Variants in EFCAB6 observed in about 807,000 individuals in gnomAD.
The protein encoded by EFCAB6 is EF-hand calcium binding domain 6, also known as EF-hand calcium-binding domain-containing protein 6.
Under a neutral mutation model 169.8 loss-of-function variants are expected in EFCAB6, and 156 were observed. The ratio of observed to expected loss-of-function variants is 0.92; its 90% CI spans 0.81 to 1.05. The LOEUF is 1.05. EFCAB6 is among the 50% of genes least tolerant of loss of function. The pLI, the probability that EFCAB6 is intolerant of heterozygous loss-of-function variation, is 0.00. For synonymous variants in EFCAB6, 698 were observed against 676.4 expected (o/e 1.03, Z -0.50); for missense variants, 1,800 against 1,829.1 (o/e 0.98, Z 0.29).
At chr22:43,593,865 C>T (rs898366265) in intron 23 of EFCAB6, among the ~76,000 whole-genome samples, 3 of 152,098 alleles carry the variant, frequency 2.0e-5, no homozygotes, top group African/African-American at 7.2e-5. Context: ...AAGAGCCACA[C>T]GTATAAGGAG....
At chr22:43,552,775 T>A (rs2048456820) in intron 27 of EFCAB6, 2 of 152,204 alleles carry the variant, frequency 1.3e-5, no homozygotes. Context: ...TATCTATAAT[T>A]AGAGTAAAAT....
intron 17 of EFCAB6, among the ~76,000 whole-genome samples, chr22:43,641,286 G>T (rs2055781002): frequency 6.6e-6 from 1 of 152,170 alleles, no homozygotes; most frequent in Non-Finnish European, 1.5e-5. Flanking sequence ...GCACCAAGTG[G>T]TCATTCAGCT....
At chr22:43,809,484 G>T (rs1488537243) in intron 1 of EFCAB6, among the ~76,000 whole-genome samples, 1 of 152,238 alleles carries the variant, frequency 6.6e-6, no homozygotes, top group Non-Finnish European at 1.5e-5. Flanking sequence ...TACTCATCAA[G>T]AACACAGGTT....
intron 27 of EFCAB6, chr22:43,554,590 C>T (rs2048584430): frequency 2.2e-6 from 1 of 447,456 alleles, no homozygotes; most frequent in Non-Finnish European, 4.0e-6. Flanking sequence ...CCGGGATGCT[C>T]CAGGGAAGGG....
intron 9 of EFCAB6, 21 bp downstream of exon 9, chr22:43,716,827 T>A: frequency 6.3e-7 from 1 of 1,593,762 alleles, no homozygotes; most frequent in Non-Finnish European, 8.5e-7. Context: ...TAGGTAATTG[T>A]GGCTTAGGAA....
chr22:43,784,537 GTGTGTGTATA>G (rs2061951204), intron 2 of EFCAB6, among the ~76,000 whole-genome samples: 1 of 96,212 alleles, frequency 1.0e-5, no homozygotes, highest in East Asian at 4.2e-4. Flanking sequence ...GTGTGTGTGT[GTGTGTGTATA>G]TGTATATATA....
intron 10 of EFCAB6, among the ~76,000 whole-genome samples, chr22:43,709,266 G>C (rs992945564): frequency 3.9e-5 from 6 of 152,066 alleles, no homozygotes; most frequent in Admixed American, 3.3e-4. Context: ...ACTTTTAGTA[G>C]AGACAGGGTT....
chr22:43,711,536 T>C lies in EFCAB6; in HGVS notation c.970A>G (p.Ile324Val). 6.2e-7 allele frequency: 1 copy of C among 1,605,354 alleles called. No individual in the cohort carries two copies. Among genetic ancestry groups the C allele is most frequent in the East Asian group, 2.2e-5 (1 of 44,670 alleles). The change falls in exon 10 of 32, where the codon ATT becomes GTT. Residue 324 changes from isoleucine (I) to valine (V), a missense_variant. Transcript: ENST00000262726. ...GGYVSFNYLK[I>V]VLDTFVYQIP... Reference sequence around the variant, plus strand: ...TGGTATACAAAAGTGTCGAGGACAATCTTTAGATAATTAAAAGACACGTAG... The same window carrying C: ...TGGTATACAAAAGTGTCGAGGACAACCTTTAGATAATTAAAAGACACGTAG...
At chr22:43,782,092 A>C (rs1894631) in intron 3 of EFCAB6, 88 bp downstream of exon 3, 2 of 1,315,582 alleles carry the variant, frequency 1.5e-6, no homozygotes, top group East Asian at 4.7e-5. Flanking sequence ...TAAATGTCAT[A>C]TGAGTCCTTT....
intron 17 of EFCAB6, among the ~76,000 whole-genome samples, chr22:43,649,392 C>T (rs1362188187): frequency 6.6e-6 from 1 of 152,042 alleles, no homozygotes. Flanking sequence ...AGCTATAATG[C>T]CTATTGCTTA....
chr22:43,695,887 C>A (rs1329615578), intron 10 of EFCAB6, among the ~76,000 whole-genome samples: 5 of 152,034 alleles, frequency 3.3e-5, no homozygotes, highest in African/African-American at 1.2e-4. Flanking sequence ...AGGATTAAAT[C>A]TTTGTGATAC....
chr22:43,532,101 C>CAA (rs1041895073), intron 30 of EFCAB6: 1 of 152,124 alleles, frequency 6.6e-6, no homozygotes, highest in African/African-American at 2.4e-5. Context: ...GAAAAGCCTT[C>CAA]AATCTCAATC....
intron 20 of EFCAB6, among the ~76,000 whole-genome samples, chr22:43,619,175 T>C (rs2053955679): frequency 6.6e-6 from 1 of 152,154 alleles, no homozygotes; most frequent in South Asian, 2.1e-4. Context: ...TTTGAGAACA[T>C]GATTACTGTG....
At chr22:43,645,457 A>G (rs181578266) in intron 17 of EFCAB6, among the ~76,000 whole-genome samples, 4 of 152,346 alleles carry the variant, frequency 2.6e-5, no homozygotes, top group Admixed American at 2.6e-4. Context: ...TTGGACCACT[A>G]CTGTGTGTTG....
rs544625613 is a variant in EFCAB6 at position 43,763,557 on chromosome 22, G to A, written c.440+1748C>T. Reference sequence around the variant, plus strand: ...CCTAAACTGCATCAGTGATGCATCCGTCATAAAAGCCATGATACCAGAATT... The same window carrying A: ...CCTAAACTGCATCAGTGATGCATCCATCATAAAAGCCATGATACCAGAATT... On this transcript the variant is annotated intron_variant, in intron 5 of 31. Coordinates refer to ENST00000262726, the MANE Select transcript of EFCAB6 (RefSeq NM_022785.4). Among the ~76,000 whole-genome samples the A allele has an allele frequency of 5.7e-4, 86 of 152,042 alleles. 1 individual carries two copies. In the South Asian group the frequency reaches 0.016, roughly 28 times the overall value.
At chr22:43,616,386 G>A (rs2053687096) in intron 20 of EFCAB6, among the ~76,000 whole-genome samples, 2 of 152,212 alleles carry the variant, frequency 1.3e-5, no homozygotes, top group Admixed American at 1.3e-4. Flanking sequence ...GATAGGGCCG[G>A]GTGCAGTGGC....
Position 43,636,698 on chromosome 22 carries a change from C to T in EFCAB6, c.1984-1482G>A, listed in dbSNP as rs564073732. Among the ~76,000 whole-genome samples, 9 of 150,802 alleles carry T rather than the reference C, an allele frequency of 6.0e-5. No individual in the cohort carries two copies. In the South Asian group the frequency reaches 6.3e-4, roughly 11 times the overall value. ...CTACCTAGGTGCACTGTAACCTCTG[C>T]CTCCCGGGCTCAAGTGATTCTCCTG... On this transcript the variant is annotated intron_variant, in intron 17 of 31. Transcript: ENST00000262726.
intron 7 of EFCAB6, among the ~76,000 whole-genome samples, chr22:43,732,743 A>G (rs1021482054): frequency 3.9e-5 from 6 of 152,178 alleles, no homozygotes; most frequent in African/African-American, 1.4e-4. Context: ...CTGGAATTAC[A>G]GGCATGAGCC....
Position 43,530,867 on chromosome 22 carries a change from T to C in EFCAB6, c.4331A>G (p.Lys1444Arg), listed in dbSNP as rs149993265. Residue 1444 changes from lysine (K) to arginine (R), a missense_variant, in exon 31 of 32, where the codon AAA becomes AGA. Lys to Arg is a conservative substitution (Grantham distance 26). Coordinates refer to ENST00000262726, the MANE Select transcript of EFCAB6 (RefSeq NM_022785.4). The stretch of plus-strand genomic sequence containing the variant: ...CCCTGTTCCAGCCTCATCATAGCTT[T>C]TGAACGTGCGCCGCATTGGCCTCCA... ...HCWRPMRRTF[K>R]SYDEAGTGLL... The C allele has an allele frequency of 6.2e-7, 1 of 1,614,076 alleles. No homozygotes were observed. The highest frequency in any genetic ancestry group is 1.3e-5 in the African/African-American group (1 of 74,938).
Sources: allele counts gnomAD v4.1 joint callset (sites outside exome capture counted in the v4.1 genomes callset), GRCh38; gene constraint gnomAD v4.1.1; transcripts MANE v1.5; gene names NCBI Gene and HGNC (gene_info 2026-07-23, HGNC 2026-07-21).